Variants in AR observed in about 807,000 individuals in gnomAD.
The protein encoded by AR is dihydrotestosterone receptor.
In AR, 8 loss-of-function variants were observed where a neutral mutation model predicts 53.9. The observed-to-expected ratio is 0.15, with a 90% CI of 0.09 to 0.27. The LOEUF (loss-of-function observed/expected upper bound fraction) is 0.27, where lower values mean the gene tolerates loss of function less well. AR is among the 10% of genes least tolerant of loss of function. The pLI, the probability that AR is intolerant of heterozygous loss-of-function variation, is 1.00. For missense variants in AR, 639 were observed against 742.5 expected (o/e 0.86, Z 1.62); for synonymous variants, 359 against 316.4 (o/e 1.13, Z -1.43).
At chrX:67,553,654 T>G (rs1166122166) in intron 1 of AR, among the ~76,000 whole-genome samples, 1 of 111,980 alleles carries the variant, frequency 8.9e-6, no homozygotes, top group African/African-American at 3.2e-5. Flanking sequence ...CATTGTCATC[T>G]CAACAACGTT....
chrX:67,551,011 T>TTTTTG (rs1417898739), intron 1 of AR, among the ~76,000 whole-genome samples: 5 of 103,690 alleles, frequency 4.8e-5, no homozygotes, highest in African/African-American at 1.8e-4. Flanking sequence ...GTTTTTTTTT[T>TTTTTG]TTTTTTTTTT....
chrX:67,652,298 T>C (rs1926381318), intron 2 of AR, among the ~76,000 whole-genome samples: 2 of 112,060 alleles, frequency 1.8e-5, no homozygotes, highest in South Asian at 7.5e-4. Flanking sequence ...CTGAAGACCA[T>C]GGACTTCTAA....
chrX:67,704,098 A>C (rs1027044187), intron 3 of AR, among the ~76,000 whole-genome samples: 3 of 112,065 alleles, frequency 2.7e-5, no homozygotes, highest in Non-Finnish European at 5.6e-5. Flanking sequence ...TAGTGCCACA[A>C]TAAACATATG....
In AR at chrX:67,581,811, C is replaced by T. The variant is rs188635353; in HGVS notation, c.1616+35049C>T. 9.0e-5 allele frequency among the ~76,000 whole-genome samples: 10 copies of T among 111,509 alleles called. No homozygotes were observed. In the East Asian group the frequency reaches 2.5e-3, roughly 28 times the overall value. On this transcript the variant is annotated intron_variant, in intron 1 of 7. Transcript: ENST00000374690. ...CAGCATCCATAAGGTTTTCATTCTC[C>T]TACCCTGTACGACAGAGGTAATAGA...
intron 1 of AR, among the ~76,000 whole-genome samples, chrX:67,605,116 A>G (rs1431270715): frequency 1.8e-5 from 2 of 112,496 alleles, no homozygotes; most frequent in African/African-American, 6.5e-5. Context: ...TTTTCACTGC[A>G]GGCTGTTATT....
chrX:67,723,738 T>C lies in AR; in HGVS notation c.2660T>C (p.Met887Thr), dbSNP rs2076147057. Residue 887 changes from methionine to threonine, a missense_variant, in exon 8 of 8, where the codon ATG becomes ACG. Transcript: ENST00000374690. ...FTFDLLIKSH[M>T]VSVDFPEMMA... ...TTTGACCTGCTAATCAAGTCACACA[T>C]GGTGAGCGTGGACTTTCCGGAAATG... 1 of 1,208,360 alleles carries C rather than the reference T, an allele frequency of 8.3e-7. No individual in the cohort carries two copies. The highest frequency in any genetic ancestry group is 2.2e-5 in the Admixed American group (1 of 45,636).
At chrX:67,593,407 G>T (rs1569277444) in intron 1 of AR, among the ~76,000 whole-genome samples, 2 of 106,855 alleles carry the variant, frequency 1.9e-5, no homozygotes, top group Non-Finnish European at 3.9e-5. Context: ...CAGGCTGCAG[G>T]CTGTAGTGCA....
At chrX:67,611,055 A>C (rs1007899160) in intron 1 of AR, among the ~76,000 whole-genome samples, 1 of 111,759 alleles carries the variant, frequency 8.9e-6, no homozygotes, top group Non-Finnish European at 1.9e-5. Context: ...TTTTTAGATT[A>C]AGTAGTGAAG....
intron 2 of AR, among the ~76,000 whole-genome samples, chrX:67,659,765 T>C (rs773209292): frequency 8.9e-6 from 1 of 111,757 alleles, no homozygotes; most frequent in East Asian, 2.8e-4. Flanking sequence ...ATGGTATTTC[T>C]AGTTCTAGAT....
intron 2 of AR, among the ~76,000 whole-genome samples, chrX:67,679,137 C>T (rs1454089683): frequency 9.0e-6 from 1 of 110,870 alleles, no homozygotes; most frequent in African/African-American, 3.3e-5. Context: ...TCCCACTGTA[C>T]CCCATAAATA....
At chrX:67,696,458 CTG>C (rs1322749352) in intron 3 of AR, among the ~76,000 whole-genome samples, 1 of 111,821 alleles carries the variant, frequency 8.9e-6, no homozygotes, top group Non-Finnish European at 1.9e-5. Context: ...CTGCTGGATC[CTG>C]TGCTTTGGCA....
rs2076175596 is a variant in AR, at chrX:67,730,549, C to T, written c.*6708C>T. 5.9e-6 allele frequency: 1 copy of T among 169,916 alleles called. No homozygotes were observed. Among genetic ancestry groups the T allele is most frequent in the Non-Finnish European group, 1.1e-5 (1 of 89,035 alleles). 14.0% of individuals were successfully genotyped at this position (169,916 alleles called of 1,213,427 possible). A position where few individuals can be genotyped will look rare whatever the true frequency, so the allele number is the denominator to read the frequency against. ...TCGAGTTATTGTTAACAAAGAGACC[C>T]AAGAAAAGCTGCTAATGTCCTCTTA... On this transcript the variant is annotated 3_prime_UTR_variant, in exon 8 of 8. Coordinates refer to ENST00000374690, the MANE Select transcript of AR (RefSeq NM_000044.6).
chrX:67,661,738 AT>A (rs1926930154), intron 2 of AR, among the ~76,000 whole-genome samples: 1 of 110,813 alleles, frequency 9.0e-6, no homozygotes, highest in Non-Finnish European at 1.9e-5. Flanking sequence ...CTCTTTTTCT[AT>A]TTATTGGAAT....
intron 2 of AR, among the ~76,000 whole-genome samples, chrX:67,654,963 A>C (rs1926519849): frequency 9.7e-6 from 1 of 102,762 alleles, no homozygotes; most frequent in African/African-American, 3.6e-5. Flanking sequence ...AAGCAAGGTA[A>C]TACTTTGGTC....
At chrX:67,660,430 A>G (rs1398724279) in intron 2 of AR, among the ~76,000 whole-genome samples, 4 of 111,735 alleles carry the variant, frequency 3.6e-5, no homozygotes, top group African/African-American at 1.3e-4. Context: ...CTGTCTACAT[A>G]TGGCTAGCCA....
chrX:67,583,188 GAGAGTA>G (rs1427902083), intron 1 of AR, among the ~76,000 whole-genome samples: 1 of 112,145 alleles, frequency 8.9e-6, no homozygotes, highest in Non-Finnish European at 1.9e-5. Flanking sequence ...AGAGGCCTGG[GAGAGTA>G]AGATAACTAC....
At chrX:67,657,084 C>A (rs1042926670) in intron 2 of AR, among the ~76,000 whole-genome samples, 1 of 110,291 alleles carries the variant, frequency 9.1e-6, no homozygotes, top group African/African-American at 3.3e-5. Context: ...TAAATCAAAG[C>A]CCAAACAGAA....
chrX:67,668,398 T>A (rs1212968579), intron 2 of AR, among the ~76,000 whole-genome samples: 1 of 112,157 alleles, frequency 8.9e-6, no homozygotes, highest in African/African-American at 3.2e-5. Context: ...CATCCTTGCA[T>A]CCCGTGGTAA....
intron 1 of AR, among the ~76,000 whole-genome samples, chrX:67,614,719 A>T (rs1351453977): frequency 1.8e-5 from 2 of 111,653 alleles, no homozygotes; most frequent in Non-Finnish European, 3.8e-5. Context: ...TATATGAAAA[A>T]ATCAACAAAA....
Sources: gnomAD v4.1 joint callset for allele counts (sites outside exome capture counted in the v4.1 genomes callset) on GRCh38, gnomAD v4.1.1 for gene constraint, MANE v1.5 for transcripts, NCBI Gene and HGNC (gene_info 2026-07-23, HGNC 2026-07-21) for gene names.